The following PTPRG variants were observed in gnomAD, a reference collection of about 807,000 sequenced individuals.
PTPRG encodes the protein receptor-type tyrosine-protein phosphatase gamma.
In PTPRG, 102 loss-of-function variants were observed where a neutral mutation model predicts 165.3. The ratio of observed to expected loss-of-function variants is 0.62; its 90% CI spans 0.53 to 0.73. The LOEUF (loss-of-function observed/expected upper bound fraction) is 0.73. PTPRG is among the 30% of genes least tolerant of loss of function. The pLI, the probability that PTPRG is intolerant of heterozygous loss-of-function variation, is 0.00. For synonymous variants in PTPRG, 675 were observed against 669.5 expected (o/e 1.01, Z -0.13); for missense variants, 1,866 against 1,861.4 (o/e 1.00, Z -0.05).
intron 2 of PTPRG, among the ~76,000 whole-genome samples, chr3:61,864,327 A>G (rs528408455): frequency 2.0e-5 from 3 of 152,296 alleles, no homozygotes; most frequent in African/African-American, 7.2e-5. Flanking sequence ...ATCTCACAGA[A>G]ATGTCAAGAC....
intron 2 of PTPRG, among the ~76,000 whole-genome samples, chr3:61,766,321 T>A (rs2034013527): frequency 6.6e-6 from 1 of 152,236 alleles, no homozygotes; most frequent in Non-Finnish European, 1.5e-5. Context: ...TATTTTAACA[T>A]CTTTTTCCTA....
chr3:61,612,294 G>A (rs775262025), intron 1 of PTPRG, among the ~76,000 whole-genome samples: 21 of 152,306 alleles, frequency 1.4e-4, no homozygotes, highest in Non-Finnish European at 2.9e-4. Context: ...AGTTGAGAAG[G>A]CTCTCATTTA....
At chr3:61,591,638 G>A (rs1002426304) in intron 1 of PTPRG, among the ~76,000 whole-genome samples, 1 of 152,202 alleles carries the variant, frequency 6.6e-6, no homozygotes, top group Non-Finnish European at 1.5e-5. Flanking sequence ...GGGCAGTGAG[G>A]TGTGTAGAGG....
intron 1 of PTPRG, among the ~76,000 whole-genome samples, chr3:61,677,991 C>T (rs1194866102): frequency 6.6e-6 from 1 of 152,196 alleles, no homozygotes; most frequent in African/African-American, 2.4e-5. Flanking sequence ...GTGCAGACAC[C>T]ACATTTGGTA....
intron 1 of PTPRG, among the ~76,000 whole-genome samples, chr3:61,617,128 C>T (rs1304095920): frequency 6.6e-6 from 1 of 152,204 alleles, no homozygotes; most frequent in African/African-American, 2.4e-5. Context: ...AAGCTACCAA[C>T]TGAAACAAGT....
chr3:62,158,597 A>G (rs1372646400), intron 7 of PTPRG, among the ~76,000 whole-genome samples: 1 of 152,206 alleles, frequency 6.6e-6, no homozygotes. Context: ...ATGAGCCATC[A>G]GAGGTGCCAG....
At chr3:61,902,737 T>C (rs1415357210) in intron 2 of PTPRG, among the ~76,000 whole-genome samples, 4 of 152,212 alleles carry the variant, frequency 2.6e-5, no homozygotes, top group African/African-American at 2.4e-5. Flanking sequence ...TCTCTCCTGG[T>C]AGTATTTGGT....
At chr3:62,191,426 A>G (rs758471838) in intron 8 of PTPRG, 43 bp from the exon 9 acceptor site, 3 of 1,590,870 alleles carry the variant, frequency 1.9e-6, no homozygotes, top group African/African-American at 2.7e-5. Flanking sequence ...TGAATGGCGC[A>G]TTGTTCTGAA....
chr3:62,085,446 T>C (rs1701721745), intron 5 of PTPRG, among the ~76,000 whole-genome samples: 1 of 152,188 alleles, frequency 6.6e-6, no homozygotes, highest in Non-Finnish European at 1.5e-5. Context: ...TAAAGGACTG[T>C]TTTACTGTAA....
At position 61,886,638 on chromosome 3, in the gene PTPRG, G is replaced by A. The variant is rs376985512; in HGVS notation, c.191-102987G>A. Among the ~76,000 whole-genome samples, 5 of 152,228 alleles carry A rather than the reference G, an allele frequency of 3.3e-5. No homozygotes were observed. The East Asian group carries it at 5.8e-4, about 18-fold the overall frequency. On this transcript the variant is annotated intron_variant, in intron 2 of 29. Transcript: ENST00000474889. The stretch of plus-strand genomic sequence containing the variant: ...CAGAAAGCTTCAATCAGGAAGATGG[G>A]GAGTTAACAGGTAGGGCTGTTTGAT...
chr3:61,749,850 G>A lies in PTPRG; in HGVS notation c.190+868G>A, dbSNP rs544176075. ...GTATTAGTCTTAATAATAAATCTAT[G>A]TATTATGCAATGTTGTTGCATATAG... On this transcript the variant is annotated intron_variant, in intron 2 of 29. Coordinates refer to ENST00000474889, the MANE Select transcript of PTPRG (RefSeq NM_002841.4). 4 of 152,336 alleles carry A rather than the reference G, an allele frequency of 2.6e-5. No homozygotes were observed. The South Asian group carries it at 6.2e-4, about 24-fold the overall frequency. The allele number at this position is 152,336 out of a possible 1,614,324, so 9.4% of individuals were successfully genotyped here.
chr3:61,861,907 T>C (rs1254311709), intron 2 of PTPRG, among the ~76,000 whole-genome samples: 1 of 152,082 alleles, frequency 6.6e-6, no homozygotes, highest in Non-Finnish European at 1.5e-5. Flanking sequence ...TGAAATTAGA[T>C]TGAAAGAACC....
At chr3:62,079,977 A>C (rs900846654) in intron 5 of PTPRG, among the ~76,000 whole-genome samples, 7 of 151,630 alleles carry the variant, frequency 4.6e-5, no homozygotes, top group Admixed American at 1.3e-4. Context: ...CATGGTATAC[A>C]TATTATCTTT....
At chr3:61,613,070 T>A (rs1345196446) in intron 1 of PTPRG, among the ~76,000 whole-genome samples, 1 of 152,100 alleles carries the variant, frequency 6.6e-6, no homozygotes, top group Non-Finnish European at 1.5e-5. Context: ...ACTGTCAGAG[T>A]CAAAAGAACA....
intron 2 of PTPRG, among the ~76,000 whole-genome samples, chr3:61,974,348 G>T: frequency 6.6e-6 from 1 of 152,068 alleles, no homozygotes. Flanking sequence ...GAGGTCAGGA[G>T]TTCAAGACCA....
chr3:62,013,419 A>C (rs2041470833), intron 4 of PTPRG, among the ~76,000 whole-genome samples: 1 of 152,160 alleles, frequency 6.6e-6, no homozygotes, highest in Admixed American at 6.5e-5. Flanking sequence ...TTCTCTTCCA[A>C]CGGCGGCAAC....
chr3:62,004,047 CAGA>C (rs2041234613), intron 4 of PTPRG, among the ~76,000 whole-genome samples: 1 of 152,092 alleles, frequency 6.6e-6, no homozygotes, highest in Non-Finnish European at 1.5e-5. Context: ...TCCTGCTGGA[CAGA>C]AGAAGGGTGT....
intron 2 of PTPRG, among the ~76,000 whole-genome samples, chr3:61,789,302 G>C (rs1293064778): frequency 6.6e-6 from 1 of 152,178 alleles, no homozygotes; most frequent in East Asian, 1.9e-4. Flanking sequence ...GGGTCTCCCT[G>C]TGTTGCCCAG....
chr3:61,679,791 A>G (rs1575585304), intron 1 of PTPRG, among the ~76,000 whole-genome samples: 1 of 152,074 alleles, frequency 6.6e-6, no homozygotes, highest in African/African-American at 2.4e-5. Flanking sequence ...AAAAACCAAA[A>G]AAACAGAAAA....
Sources: gnomAD v4.1 joint callset for allele counts (sites outside exome capture counted in the v4.1 genomes callset) on GRCh38, gnomAD v4.1.1 for gene constraint, MANE v1.5 for transcripts, NCBI Gene and HGNC (gene_info 2026-07-23, HGNC 2026-07-21) for gene names.